Variants in ZNF875 observed in about 807,000 individuals in gnomAD.
The protein encoded by ZNF875 is HKR1, GLI-Kruppel zinc finger family member.
Under a neutral mutation model 11.2 loss-of-function variants are expected in ZNF875, and 14 were observed. The ratio of observed to expected loss-of-function variants is 1.26; its 90% CI spans 0.83 to 1.96. The LOEUF is 1.96. Among genes scored for constraint, ZNF875 ranks in the 30% most tolerant of loss-of-function variants. ZNF875 has a pLI of 0.00. For synonymous variants in ZNF875, 301 were observed against 281.1 expected, an observed-to-expected ratio of 1.07 and a Z score of -0.71; for missense variants, 752 against 760.4, an observed-to-expected ratio of 0.99 and a Z score of 0.13.
chr19:37,361,969 T>C (rs1206222184), intron 4 of ZNF875, 140 bp from the exon 5 acceptor site: 2 of 611,572 alleles, frequency 3.3e-6, no homozygotes, highest in African/African-American at 1.9e-5. Flanking sequence ...AAATGAAAAA[T>C]AGATGCTGGG....
chr19:37,353,647 TCC>T (rs897558748), intron 4 of ZNF875, among the ~76,000 whole-genome samples: 63 of 152,350 alleles, frequency 4.1e-4, no homozygotes, highest in African/African-American at 1.5e-3. Flanking sequence ...TTATTTTCTC[TCC>T]AGTTTGCGAA....
At chr19:37,345,309 C>G (rs983752430) in intron 2 of ZNF875, among the ~76,000 whole-genome samples, 2 of 152,072 alleles carry the variant, frequency 1.3e-5, no homozygotes, top group African/African-American at 4.8e-5. Context: ...TACATTGGGA[C>G]TGGCTGGGTT....
chr19:37,332,233 C>T (rs1185395489), upstream of ZNF875, among the ~76,000 whole-genome samples: 2 of 148,826 alleles, frequency 1.3e-5, no homozygotes, highest in East Asian at 3.9e-4. Flanking sequence ...TGGCGGGATC[C>T]TCCATATGCT....
At chr19:37,360,392 T>C (rs1449038842) in intron 4 of ZNF875, among the ~76,000 whole-genome samples, 1 of 152,226 alleles carries the variant, frequency 6.6e-6, no homozygotes, top group Admixed American at 6.5e-5. Context: ...AGAAATTGTT[T>C]TGTCTATTTT....
At chr19:37,319,840 T>A (rs1210041679) in intron 1 of ZNF875, among the ~76,000 whole-genome samples, 1 of 152,194 alleles carries the variant, frequency 6.6e-6, no homozygotes, top group African/African-American at 2.4e-5. Flanking sequence ...AGCTCTTTCA[T>A]GAGCAGCCTT....
At position 37,339,599 on chromosome 19, in the gene ZNF875, G is replaced by A. The variant is rs528593680; in HGVS notation, c.33+4342G>A. On this transcript the variant is annotated intron_variant, in intron 2 of 4. Coordinates refer to ENST00000392153, the MANE Select transcript of ZNF875 (RefSeq NM_001353803.2). Reference sequence around the variant, plus strand: ...TCTCGCTCTGTCACTCTGTCCCACTGCATCAGGCTGGGATGCAGTGGTGCA... The same window carrying A: ...TCTCGCTCTGTCACTCTGTCCCACTACATCAGGCTGGGATGCAGTGGTGCA... Among the ~76,000 whole-genome samples, 6 of 124,490 alleles carry A rather than the reference G, an allele frequency of 4.8e-5. No homozygotes were observed. In the South Asian group the frequency reaches 1.5e-3, roughly 32 times the overall value. The allele number at this position is 124,490 out of a possible 152,430, so 81.7% of individuals were successfully genotyped here.
At chr19:37,318,816 C>CGGCCATAACTCTG (rs2030636195) in intron 1 of ZNF875, among the ~76,000 whole-genome samples, 2 of 152,078 alleles carry the variant, frequency 1.3e-5, no homozygotes, top group African/African-American at 4.8e-5. Flanking sequence ...CCACCGCGCC[C>CGGCCATAACTCTG]AGCTTATAAA....
intron 2 of ZNF875, among the ~76,000 whole-genome samples, chr19:37,343,119 A>G (rs879327403): frequency 1.3e-5 from 2 of 152,070 alleles, no homozygotes; most frequent in Non-Finnish European, 2.9e-5. Flanking sequence ...CGGGCGGATC[A>G]TGAGGTCAGG....
chr19:37,335,281 C>T, intron 2 of ZNF875, 24 bp downstream of exon 2: 1 of 691,408 alleles, frequency 1.4e-6, no homozygotes, highest in Non-Finnish European at 2.7e-6. Context: ...GTAATTCTAT[C>T]TTGGCTGTCA....
intron 2 of ZNF875, among the ~76,000 whole-genome samples, chr19:37,343,013 A>C (rs775765306): frequency 2.0e-5 from 3 of 152,062 alleles, no homozygotes; most frequent in Non-Finnish European, 4.4e-5. Flanking sequence ...GCAGCACTTC[A>C]CTTCTGTGTA....
upstream of ZNF875, among the ~76,000 whole-genome samples, chr19:37,313,617 C>T (rs1391443307): frequency 6.6e-6 from 1 of 152,168 alleles, no homozygotes; most frequent in East Asian, 1.9e-4. Flanking sequence ...CCTCCCCTGT[C>T]ACCCCAGGGA....
At chr19:37,325,662 C>T (rs2032311159) in intron 4 of ZNF875, among the ~76,000 whole-genome samples, 1 of 151,874 alleles carries the variant, frequency 6.6e-6, no homozygotes, top group Non-Finnish European at 1.5e-5. Flanking sequence ...CCTCCTACCT[C>T]AGCCTTCCAG....
At chr19:37,353,038 T>TA (rs893724836) in intron 4 of ZNF875, among the ~76,000 whole-genome samples, 9 of 151,918 alleles carry the variant, frequency 5.9e-5, no homozygotes, top group African/African-American at 2.2e-4. Context: ...TACGCCCAGC[T>TA]AATTTTTGTA....
Position 37,324,867 on chromosome 19 carries a change from C to T in ZNF875, c.-603+602C>T, listed in dbSNP as rs141117068. On this transcript the variant is annotated intron_variant, in intron 4 of 5. Coordinates refer to the ZNF875 transcript ENST00000544914. The stretch of plus-strand genomic sequence containing the variant: ...TCTGCTCACTGCAAGCTCTGCCTTC[C>T]GGGTTCACACCATTCTCCCACCTCA... The T allele has an allele frequency of 6.3e-3, 960 of 152,784 alleles. 26 individuals are homozygous for T. Among genetic ancestry groups the T allele is most frequent in the East Asian group, 0.052 (271 of 5,206 alleles). 9.5% of individuals were successfully genotyped at this position (152,784 alleles called of 1,614,324 possible). A position where few individuals can be genotyped will look rare whatever the true frequency, so the allele number is the denominator to read the frequency against.
intron 4 of ZNF875, among the ~76,000 whole-genome samples, chr19:37,361,099 T>C (rs1164841997): frequency 6.6e-6 from 1 of 150,516 alleles, no homozygotes; most frequent in Non-Finnish European, 1.5e-5. Context: ...CTCATTTTGT[T>C]TGTCTTCTCC....
At chr19:37,323,240 G>A (rs1409952108) in intron 2 of ZNF875, among the ~76,000 whole-genome samples, 1 of 151,728 alleles carries the variant, frequency 6.6e-6, no homozygotes, top group East Asian at 1.9e-4. Context: ...TGCAACCTCC[G>A]TCTCCTGGGT....
At chr19:37,313,765 TG>T (rs2030063034), upstream of ZNF875, among the ~76,000 whole-genome samples, 1 of 151,930 alleles carries the variant, frequency 6.6e-6, no homozygotes, top group East Asian at 1.9e-4. Context: ...TGTGTGTGTG[TG>T]TGTTGATTAA....
chr19:37,336,868 A>G (rs12977586), intron 2 of ZNF875, among the ~76,000 whole-genome samples: 1 of 151,980 alleles, frequency 6.6e-6, no homozygotes, highest in Non-Finnish European at 1.5e-5. Context: ...AGATCGCACC[A>G]CTGCACTCCA....
At position 37,334,703 on chromosome 19, in the gene ZNF875, C is replaced by T. The variant is rs1435097728; in HGVS notation, c.-136C>T. On this transcript the variant is annotated 5_prime_UTR_variant, in exon 1 of 5. Transcript: ENST00000392153. ...GCTGGTTGGGACCCGGGAAGGCCTCCCTCTTAAGGTCTTTCCCACACCTCT... is the reference window on the plus strand; with the variant it reads ...GCTGGTTGGGACCCGGGAAGGCCTCTCTCTTAAGGTCTTTCCCACACCTCT... 8 of 455,960 alleles carry T rather than the reference C, an allele frequency of 1.8e-5. No individual in the cohort carries two copies. In the East Asian group the frequency reaches 5.6e-4, roughly 32 times the overall value. 28.2% of individuals were successfully genotyped at this position (455,960 alleles called of 1,614,324 possible). A position where few individuals can be genotyped will look rare whatever the true frequency, so the allele number is the denominator to read the frequency against.
Sources: gnomAD v4.1 joint callset for allele counts (sites outside exome capture counted in the v4.1 genomes callset) on GRCh38, gnomAD v4.1.1 for gene constraint, MANE v1.5 for transcripts, NCBI Gene and HGNC (gene_info 2026-07-23, HGNC 2026-07-21) for gene names.